The following HIPK3 variants were observed in gnomAD, a reference collection of about 807,000 sequenced individuals.
HIPK3 encodes homeodomain interacting protein kinase 3, also known as homeodomain-interacting protein kinase 3.
A neutral mutation model predicts 124.2 loss-of-function variants in HIPK3; 47 were observed. The ratio of observed to expected loss-of-function variants is 0.38; its 90% CI spans 0.30 to 0.48. HIPK3 has a LOEUF of 0.48. HIPK3 is among the 20% of genes least tolerant of loss of function. HIPK3 has a pLI of 0.98. For synonymous variants in HIPK3, 482 were observed against 515.2 expected (o/e 0.94, Z 0.87); for missense variants, 1,286 against 1,454.3 (o/e 0.88, Z 1.88).
intron 1 of HIPK3, chr11:33,258,510 C>T: frequency 1.0e-6 from 1 of 985,474 alleles, no homozygotes; most frequent in Non-Finnish European, 1.2e-6. Context: ...TGATCCGCGG[C>T]TCCGCGTCCC....
chr11:33,269,850 C>CTATT (rs2133873550), intron 1 of HIPK3, among the ~76,000 whole-genome samples: 1 of 152,158 alleles, frequency 6.6e-6, no homozygotes, highest in East Asian at 1.9e-4. Flanking sequence ...TTTGAACCTC[C>CTATT]TATTCATTTC....
intron 8 of HIPK3, among the ~76,000 whole-genome samples, chr11:33,347,089 G>A (rs1486937430): frequency 6.6e-6 from 1 of 151,932 alleles, no homozygotes; most frequent in African/African-American, 2.4e-5. Flanking sequence ...AGGTTGAGGT[G>A]GGAGGATCCA....
At chr11:33,302,737 G>T (rs1228923468) in intron 2 of HIPK3, among the ~76,000 whole-genome samples, 1 of 152,158 alleles carries the variant, frequency 6.6e-6, no homozygotes, top group Non-Finnish European at 1.5e-5. Context: ...AATTTGCATA[G>T]AACGAGTGGA....
intron 2 of HIPK3, among the ~76,000 whole-genome samples, chr11:33,305,573 C>CTAA (rs1178313366): frequency 6.6e-6 from 1 of 152,184 alleles, no homozygotes; most frequent in Non-Finnish European, 1.5e-5. Flanking sequence ...TTCAGATATG[C>CTAA]TAAGCAGGTT....
At chr11:33,349,798 GCT>G (rs1853604046) in intron 14 of HIPK3, among the ~76,000 whole-genome samples, 1 of 151,952 alleles carries the variant, frequency 6.6e-6, no homozygotes, top group Non-Finnish European at 1.5e-5. Context: ...ATGAAGTGTG[GCT>G]CTGTCACCTA....
At chr11:33,295,282 C>CCA (rs1348262335) in intron 2 of HIPK3, among the ~76,000 whole-genome samples, 4 of 149,290 alleles carry the variant, frequency 2.7e-5, no homozygotes, top group South Asian at 2.2e-4. Context: ...CCACCGCCCC[C>CCA]CCCCCACAAC....
At chr11:33,345,150 T>G (rs934543797) in intron 8 of HIPK3, among the ~76,000 whole-genome samples, 71 of 152,222 alleles carry the variant, frequency 4.7e-4, no homozygotes, top group African/African-American at 1.5e-3. Context: ...CATAAGACTG[T>G]GCTTATTTTA....
At chr11:33,339,582 CT>C (rs780248602) in intron 6 of HIPK3, 48 bp downstream of exon 6, 3 of 1,331,028 alleles carry the variant, frequency 2.3e-6, no homozygotes, top group Non-Finnish European at 3.1e-6. Context: ...AAAAATAAGT[CT>C]GTAGAAAATG....
chr11:33,262,839 A>G (rs1850860377), intron 1 of HIPK3, among the ~76,000 whole-genome samples: 1 of 151,592 alleles, frequency 6.6e-6, no homozygotes, highest in Non-Finnish European at 1.5e-5. Context: ...TCATTTACAG[A>G]CAGGGTTTTG....
At chr11:33,313,611 C>T (rs1852410556) in intron 2 of HIPK3, among the ~76,000 whole-genome samples, 1 of 151,806 alleles carries the variant, frequency 6.6e-6, no homozygotes, top group African/African-American at 2.4e-5. Context: ...CTATTTTTTG[C>T]AACTTTTCTG....
chr11:33,271,108 G>A (rs1289724436), intron 1 of HIPK3, among the ~76,000 whole-genome samples: 1 of 152,104 alleles, frequency 6.6e-6, no homozygotes, highest in East Asian at 1.9e-4. Context: ...TACTGCCTTA[G>A]TGGTAATTTT....
chr11:33,286,593 G>T lies in HIPK3; in HGVS notation c.179G>T (p.Ser60Ile). Reference sequence around the variant, plus strand: ...AATTCTCATCCTCCCACTAAGGGTAGTGCTTTTCAGACAAAGATACCATTT... The same window carrying T: ...AATTCTCATCCTCCCACTAAGGGTATTGCTTTTCAGACAAAGATACCATTT... ...FGNSHPPTKG[S>I]AFQTKIPFNR... is the part of the protein sequence containing the mutation. The change falls in exon 2 of 17, where the codon AGT becomes ATT. Residue 60 changes from serine to isoleucine, a missense_variant. By Grantham distance (142) the Ser-to-Ile change is moderately radical. Around this residue, in one of 3 missense-constraint regions of HIPK3, gnomAD observed 225 missense variants for 240.3 expected, o/e 0.94. Transcript: ENST00000303296. The T allele has an allele frequency of 1.2e-6, 2 of 1,614,088 alleles. No homozygotes were observed. Among genetic ancestry groups the T allele is most frequent in the Middle Eastern group, 1.6e-4 (1 of 6,062 alleles).
At chr11:33,280,687 C>G (rs766351333) in intron 1 of HIPK3, among the ~76,000 whole-genome samples, 1 of 152,172 alleles carries the variant, frequency 6.6e-6, no homozygotes, top group East Asian at 1.9e-4. Flanking sequence ...TGATTGCCTT[C>G]CAGCTTGGCA....
chr11:33,307,729 A>T (rs1852207604), intron 2 of HIPK3, among the ~76,000 whole-genome samples: 1 of 150,946 alleles, frequency 6.6e-6, no homozygotes, highest in African/African-American at 2.4e-5. Context: ...GACTTTATAT[A>T]TGTGCTTGGT....
chr11:33,301,821 G>GACACACACACACACACACACACAC (rs143389257), intron 2 of HIPK3, among the ~76,000 whole-genome samples: 4,956 of 127,326 alleles, frequency 0.039, 240 homozygotes, highest in Non-Finnish European at 0.044. Context: ...AACCCTGTCT[G>GACACACACACACACACACACACAC]ACACACACAC....
At chr11:33,257,153 G>T (rs1003700139), upstream of HIPK3, among the ~76,000 whole-genome samples, 1 of 152,192 alleles carries the variant, frequency 6.6e-6, no homozygotes, top group East Asian at 1.9e-4. Context: ...TTGGCTTGCG[G>T]GACTCCGGGT....
chr11:33,257,838 A>T lies in HIPK3; in HGVS notation c.-54A>T. ...CACGGCCCTGCGCCCCACCCCGGAC[A>T]TGCTCAGGGCTGCGGCCGCCCGAAG... is the stretch of plus-strand genomic sequence containing the variant. On this transcript the variant is annotated 5_prime_UTR_variant, in exon 1 of 17. The change abolishes an upstream ATG in the 5' untranslated region. Coordinates refer to ENST00000303296, the MANE Select transcript of HIPK3 (RefSeq NM_005734.5). 1.0e-6 allele frequency: 1 copy of T among 985,918 alleles called. No homozygotes were observed. Among genetic ancestry groups the T allele is most frequent in the Non-Finnish European group, 1.2e-6 (1 of 830,414 alleles). The allele number at this position is 985,918 out of a possible 1,614,324, so 61.1% of individuals were successfully genotyped here.
At chr11:33,258,502 A>ATCCGCGGC in intron 1 of HIPK3, 1 of 985,094 alleles carries the variant, frequency 1.0e-6, no homozygotes, top group Non-Finnish European at 1.2e-6. Flanking sequence ...GAGAAATGTG[A>ATCCGCGGC]TCCGCGGCTC....
At chr11:33,298,843 G>A (rs907714861) in intron 2 of HIPK3, among the ~76,000 whole-genome samples, 1 of 152,106 alleles carries the variant, frequency 6.6e-6, no homozygotes, top group African/African-American at 2.4e-5. Context: ...CTATTGACAA[G>A]TTGCTTCTTT....
Sources: gnomAD v4.1 joint callset for allele counts (sites outside exome capture counted in the v4.1 genomes callset) on GRCh38, gnomAD v4.1.1 for gene constraint, gnomAD v4.1.1 regional missense constraint, MANE v1.5 for transcripts, NCBI Gene and HGNC (gene_info 2026-07-23, HGNC 2026-07-21) for gene names.